Variants in SLC18B1 observed in about 807,000 individuals in gnomAD.
The protein encoded by SLC18B1 is solute carrier family 18 member B1.
SLC18B1 carries 62 observed loss-of-function variants against 53.9 expected under a neutral mutation model. The observed-to-expected ratio is 1.15, with a 90% CI of 0.94 to 1.42. SLC18B1 has a LOEUF of 1.42. SLC18B1 is among the 40% of genes most tolerant of loss of function. The pLI, the probability that SLC18B1 is intolerant of heterozygous loss-of-function variation, is 0.00. For synonymous variants in SLC18B1, 217 were observed against 200.9 expected, an observed-to-expected ratio of 1.08 and a Z score of -0.68; for missense variants, 598 against 547.3, an observed-to-expected ratio of 1.09 and a Z score of -0.93.
Position 132,774,183 on chromosome 6 carries a change from T to C in SLC18B1, c.989+39A>G, listed in dbSNP as rs367676997. 6.6e-6 allele frequency: 10 copies of C among 1,514,210 alleles called. No homozygotes were observed. In the Admixed American group the frequency reaches 7.8e-5, roughly 12 times the overall value. 93.8% of individuals were successfully genotyped at this position (1,514,210 alleles called of 1,614,324 possible). On this transcript the variant is annotated intron_variant, in intron 9 of 13. Coordinates refer to ENST00000275227, the MANE Select transcript of SLC18B1 (RefSeq NM_052831.3). ...CAAAATTTTTCGAAATAATTCCTAA[T>C]GTTATTTGGCCAAACATACAGAAGA...
At chr6:132,774,178 C>T (rs1465395050) in intron 9 of SLC18B1, 44 bp downstream of exon 9, 1 of 1,486,580 alleles carries the variant, frequency 6.7e-7, no homozygotes, top group African/African-American at 1.4e-5. Flanking sequence ...CGAAATAATT[C>T]CTAATGTTAT....
intron 8 of SLC18B1, among the ~76,000 whole-genome samples, chr6:132,775,041 T>G (rs1363752331): frequency 3.9e-5 from 6 of 152,174 alleles, no homozygotes; most frequent in Non-Finnish European, 8.8e-5. Flanking sequence ...ATATGTTAAA[T>G]CTTAACACCC....
At chr6:132,776,527 G>T in intron 7 of SLC18B1, 98 bp from the exon 8 acceptor site, 1 of 785,172 alleles carries the variant, frequency 1.3e-6, no homozygotes, top group Non-Finnish European at 2.0e-6. Context: ...TTATTACCAT[G>T]AGTCTACTAA....
At chr6:132,779,059 C>T (rs982519009) in intron 7 of SLC18B1, among the ~76,000 whole-genome samples, 4 of 152,176 alleles carry the variant, frequency 2.6e-5, no homozygotes, top group Non-Finnish European at 5.9e-5. Flanking sequence ...AATGTTAAGG[C>T]CACTTAGTGA....
intron 9 of SLC18B1, among the ~76,000 whole-genome samples, chr6:132,773,678 G>A (rs60631157): frequency 0.17 from 26,074 of 152,124 alleles, 4,927 homozygotes; most frequent in African/African-American, 0.47. Flanking sequence ...TGTAAACTCA[G>A]GTCTGAAGGA....
intron 2 of SLC18B1, among the ~76,000 whole-genome samples, chr6:132,792,284 G>GAAAGA (rs1461079612): frequency 0.034 from 1,292 of 37,712 alleles, 216 homozygotes; most frequent in Middle Eastern, 0.069. Context: ...AGAAAGAAAG[G>GAAAGA]AAGAAAGGAA....
intron 7 of SLC18B1, among the ~76,000 whole-genome samples, chr6:132,777,606 C>T (rs780260209): frequency 1.3e-4 from 20 of 152,032 alleles, no homozygotes; most frequent in Non-Finnish European, 1.9e-4. Context: ...ACCAGCTACT[C>T]GGGAGGCTGA....
intron 2 of SLC18B1, among the ~76,000 whole-genome samples, chr6:132,792,749 T>G (rs6927991): frequency 0.094 from 14,337 of 152,114 alleles, 1,073 homozygotes; most frequent in African/African-American, 0.21. Context: ...TAGAACCACA[T>G]GCTACAGCAG....
rs1380303563 is a variant in SLC18B1, at chr6:132,790,168, T to C, written c.279+9A>G. On this transcript the variant is annotated intron_variant, in intron 3 of 13. Transcript: ENST00000275227. ...AAAATTAAGATGTGCATATGAACTTTATACTTACATAGTTTCCAAATACCA... is the reference window on the plus strand; with the variant it reads ...AAAATTAAGATGTGCATATGAACTTCATACTTACATAGTTTCCAAATACCA... The C allele has an allele frequency of 1.3e-6, 2 of 1,544,018 alleles. No homozygotes were observed. Among genetic ancestry groups the C allele is most frequent in the African/African-American group, 1.4e-5 (1 of 72,464 alleles).
chr6:132,797,117 A>G lies in SLC18B1; in HGVS notation c.48T>C (p.Asp16=). The G allele has an allele frequency of 3.7e-6, 6 of 1,613,046 alleles. No homozygotes were observed. Among genetic ancestry groups the G allele is most frequent in the Non-Finnish European group, 2.5e-6 (3 of 1,179,748 alleles). ...DLEGPRAPGG[D]DPAGSAGETP... Reference sequence around the variant, plus strand: ...TCTCTCCTGCACTTCCTGCAGGATCATCACCTTGAATGCAAACATGCAGCA... The same window carrying G: ...TCTCTCCTGCACTTCCTGCAGGATCGTCACCTTGAATGCAAACATGCAGCA... The change falls in exon 2 of 14, where the codon GAT becomes GAC. Residue 16 remains aspartate, a synonymous_variant. Transcript: ENST00000275227.
At chr6:132,795,176 A>T (rs1166414266) in intron 2 of SLC18B1, among the ~76,000 whole-genome samples, 1 of 152,188 alleles carries the variant, frequency 6.6e-6, no homozygotes, top group Admixed American at 6.5e-5. Flanking sequence ...AAAGAAAAAA[A>T]AAAACAGTCT....
rs147676947 is a variant in SLC18B1, at chr6:132,787,904, G to A, written c.354-323C>T. Among the ~76,000 whole-genome samples the A allele has an allele frequency of 1.2e-3, 184 of 152,212 alleles. 1 individual carries two copies. In the East Asian group the frequency reaches 0.033, roughly 27 times the overall value. On this transcript the variant is annotated intron_variant, in intron 4 of 13. Coordinates refer to ENST00000275227, the MANE Select transcript of SLC18B1 (RefSeq NM_052831.3). ...CAGCTGGGCGCAGTGGCTCACGCCTGTAATCCCAGCACTTTGGGAGGCTGA... is the reference window on the plus strand; with the variant it reads ...CAGCTGGGCGCAGTGGCTCACGCCTATAATCCCAGCACTTTGGGAGGCTGA...
intron 2 of SLC18B1, among the ~76,000 whole-genome samples, chr6:132,796,259 G>A (rs1781678831): frequency 6.7e-6 from 1 of 150,206 alleles, no homozygotes; most frequent in African/African-American, 2.5e-5. Context: ...GGAGGCTGAG[G>A]CAGGAGAATG....
intron 6 of SLC18B1, 64 bp downstream of exon 6, chr6:132,783,869 G>GACGCA: frequency 8.1e-7 from 1 of 1,235,090 alleles, no homozygotes; most frequent in Admixed American, 3.0e-5. Flanking sequence ...GGTAAAACTG[G>GACGCA]TCTCTTACAA....
At chr6:132,792,228 A>G (rs1165641341) in intron 2 of SLC18B1, among the ~76,000 whole-genome samples, 1 of 1,060 alleles carries the variant, frequency 9.4e-4, no homozygotes, top group African/African-American at 4.0e-3. Context: ...ACACTGTCAG[A>G]AAGAAAGAAA....
At position 132,797,095 on chromosome 6, in the gene SLC18B1, C is replaced by G; in HGVS notation, c.70G>C (p.Glu24Gln). 1 of 1,613,966 alleles carries G rather than the reference C, an allele frequency of 6.2e-7. No individual in the cohort carries two copies. The highest frequency in any genetic ancestry group is 8.5e-7 in the Non-Finnish European group (1 of 1,180,000). The change falls in exon 2 of 14, where the codon GAG becomes CAG. Residue 24 changes from glutamate (E) to glutamine (Q), a missense_variant. By Grantham distance (29) the Glu-to-Gln change is conservative (BLOSUM62 2). Transcript: ENST00000275227. ...TCTCTCGAAAGCCACCCGGGGGTCT[C>G]TCCTGCACTTCCTGCAGGATCATCA... ...GGDDPAGSAG[E>Q]TPGWLSREQV...
chr6:132,796,832 G>C (rs1355827752), intron 2 of SLC18B1, 150 bp downstream of exon 2: 1 of 722,862 alleles, frequency 1.4e-6, no homozygotes, highest in Non-Finnish European at 2.0e-6. Flanking sequence ...CATTCTATAA[G>C]AAGTATTCTA....
chr6:132,770,600 G>A (rs532088789), intron 13 of SLC18B1, among the ~76,000 whole-genome samples: 24 of 152,230 alleles, frequency 1.6e-4, no homozygotes, highest in African/African-American at 5.5e-4. Context: ...ACTGGGCATG[G>A]TGACCCATGC....
intron 2 of SLC18B1, among the ~76,000 whole-genome samples, chr6:132,792,296 G>GAAAGAAAGA (rs1562271515): frequency 3.4e-5 from 1 of 29,598 alleles, no homozygotes; most frequent in African/African-American, 1.9e-4. Flanking sequence ...AGAAAGGAAG[G>GAAAGAAAGA]AAGGAAGGAA....
Sources: gnomAD v4.1 joint callset for allele counts (sites outside exome capture counted in the v4.1 genomes callset) on GRCh38, gnomAD v4.1.1 for gene constraint, MANE v1.5 for transcripts, NCBI Gene and HGNC (gene_info 2026-07-23, HGNC 2026-07-21) for gene names.